Variants in ACY1 observed in about 807,000 individuals in gnomAD.
ACY1 encodes the protein aminoacylase 1, also known as aminoacylase-1.
A neutral mutation model predicts 53.3 loss-of-function variants in ACY1; 38 were observed. The ratio of observed to expected loss-of-function variants is 0.71; its 90% CI spans 0.55 to 0.93. The LOEUF is 0.93. Among genes scored for constraint, ACY1 ranks in the 40% least tolerant of loss-of-function variants. The pLI, the probability that ACY1 is intolerant of heterozygous loss-of-function variation, is 0.00. For missense variants in ACY1, 484 were observed against 540.9 expected, an observed-to-expected ratio of 0.89 and a Z score of 1.04; for synonymous variants, 177 against 202.1, an observed-to-expected ratio of 0.88 and a Z score of 1.05.
intron 1 of ACY1, 128 bp downstream of exon 1, chr3:51,983,717 G>A: frequency 2.9e-6 from 1 of 344,628 alleles, no homozygotes; most frequent in Non-Finnish European, 5.4e-6. Context: ...TTTTAGGAGG[G>A]CGGGGGGAGT....
intron 4 of ACY1, 28 bp downstream of exon 4, chr3:51,985,493 G>A (rs769087426): frequency 1.2e-6 from 2 of 1,607,754 alleles, no homozygotes; most frequent in Non-Finnish European, 1.7e-6. Flanking sequence ...GAGGTGGGCA[G>A]TGCAGGCCTT....
Position 51,985,870 on chromosome 3 carries a change from C to G in ACY1, c.283C>G (p.Pro95Ala), listed in dbSNP as rs756100159. The change falls in exon 5 of 15, where the codon CCC becomes GCC. Residue 95 changes from proline (P) to alanine (A), a missense_variant. Pro to Ala is a conservative substitution (Grantham distance 27). Transcript: ENST00000636358. ...CCCCCAGGAACATTGGAGTCACGAC[C>G]CCTTTGAGGCCTTCAAGGATTCTGA... ...PVFKEHWSHD[P>A]FEAFKDSEGY... 4 of 1,613,678 alleles carry G rather than the reference C, an allele frequency of 2.5e-6. No individual in the cohort carries two copies. The highest frequency in any genetic ancestry group is 2.2e-5 in the East Asian group (1 of 44,876).
intron 8 of ACY1, 28 bp downstream of exon 8, chr3:51,986,689 A>G (rs768830579): frequency 1.2e-6 from 2 of 1,612,318 alleles, no homozygotes; most frequent in Non-Finnish European, 1.7e-6. Flanking sequence ...GGGAGGGCTC[A>G]CTCTACAGGC....
In ACY1 at chr3:51,987,387, T is replaced by C. The variant is rs1368769845; in HGVS notation, c.786T>C (p.Tyr262=). The change falls in exon 11 of 15, where the codon TAT becomes TAC. Residue 262 remains tyrosine (Y), a synonymous_variant. Coordinates refer to ENST00000636358, the MANE Select transcript of ACY1 (RefSeq NM_000666.3). ...NLTKLEGGVA[Y]NVIPATMSAS... Reference sequence around the variant, plus strand: ...CTAAGCTAGAGGGTGGCGTGGCCTATAACGTGATACCTGCCACCATGAGCG... The same window carrying C: ...CTAAGCTAGAGGGTGGCGTGGCCTACAACGTGATACCTGCCACCATGAGCG... The C allele has an allele frequency of 6.2e-7, 1 of 1,614,138 alleles. No homozygotes were observed. Among genetic ancestry groups the C allele is most frequent in the South Asian group, 1.1e-5 (1 of 91,084 alleles).
At chr3:51,987,750 T>A in intron 12 of ACY1, 126 bp downstream of exon 12, 1 of 1,063,318 alleles carries the variant, frequency 9.4e-7, no homozygotes. Context: ...ACAGACACAT[T>A]TTATTCCAAC....
Position 51,985,341 on chromosome 3 carries a change from A to G in ACY1, c.160-20A>G. ...CTTCCTCACCCTGCTCAGACCACCT[A>G]CCCTCCTGACCATCTCCAGGTGGCA... On this transcript the variant is annotated intron_variant, in intron 3 of 14. Coordinates refer to ENST00000636358, the MANE Select transcript of ACY1 (RefSeq NM_000666.3). 2 of 1,613,892 alleles carry G rather than the reference A, an allele frequency of 1.2e-6. No homozygotes were observed. The highest frequency in any genetic ancestry group is 1.7e-6 in the Non-Finnish European group (2 of 1,179,914).
Position 51,988,837 on chromosome 3 carries a change from T to C in ACY1, c.1062+11T>C. Reference sequence around the variant, plus strand: ...CGCTATATCCGCGCGGTGAGCCACTTGCATATAGTGCCTGGGCAGTGGACT... The same window carrying C: ...CGCTATATCCGCGCGGTGAGCCACTCGCATATAGTGCCTGGGCAGTGGACT... On this transcript the variant is annotated intron_variant, in intron 14 of 14. Coordinates refer to ENST00000636358, the MANE Select transcript of ACY1 (RefSeq NM_000666.3). 1 of 1,614,194 alleles carries C rather than the reference T, an allele frequency of 6.2e-7. No individual in the cohort carries two copies. Among genetic ancestry groups the C allele is most frequent in the Non-Finnish European group, 8.5e-7 (1 of 1,180,022 alleles).
At chr3:51,985,578 C>T in intron 4 of ACY1, 113 bp downstream of exon 4, 1 of 1,009,752 alleles carries the variant, frequency 9.9e-7, no homozygotes, top group Non-Finnish European at 1.5e-6. Context: ...CTGACACTAA[C>T]TCTCAACATC....
chr3:51,986,767 C>A, intron 8 of ACY1, 106 bp downstream of exon 8: 1 of 1,470,952 alleles, frequency 6.8e-7, no homozygotes, highest in Non-Finnish European at 9.4e-7. Context: ...CCTGAGAAGG[C>A]CTTGAACCCA....
chr3:51,984,208 A>G (rs767065796), intron 2 of ACY1, 50 bp downstream of exon 2: 5 of 1,566,456 alleles, frequency 3.2e-6, no homozygotes, highest in Non-Finnish European at 4.4e-6. Context: ...AGGGACGGGG[A>G]CTGTGCTCTA....
chr3:51,988,653 C>T, intron 13 of ACY1, 50 bp downstream of exon 13: 1 of 1,596,958 alleles, frequency 6.3e-7, no homozygotes, highest in Non-Finnish European at 8.6e-7. Context: ...TACTCCTCTC[C>T]TTCCTGCTGC....
intron 8 of ACY1, 125 bp downstream of exon 8, chr3:51,986,786 A>G (rs2106836459): frequency 7.4e-7 from 1 of 1,353,736 alleles, no homozygotes; most frequent in Non-Finnish European, 1.0e-6. Context: ...CAGGGCCTCT[A>G]CCTCCCAGCT....
chr3:51,984,827 A>C, intron 2 of ACY1: 1 of 285,054 alleles, frequency 3.5e-6, no homozygotes, highest in Non-Finnish European at 6.8e-6. Context: ...AAAAAAAAAA[A>C]AAAAAAGGAA....
At position 51,985,205 on chromosome 3, in the gene ACY1, A is replaced by G. The variant is rs1327791758; in HGVS notation, c.95-2A>G. ...CAGCCCCAAGACACTCTGTGCCTCC[A>G]GGAGCTGCTGTGGCTTTCTTTGAGG... On this transcript the variant is annotated splice_acceptor_variant, in intron 2 of 14. Transcript: ENST00000636358. LOFTEE classifies it high-confidence loss of function. 12 of 1,602,404 alleles carry G rather than the reference A, an allele frequency of 7.5e-6. No homozygotes were observed. In the South Asian group the frequency reaches 1.3e-4, roughly 18 times the overall value.
At chr3:51,986,025 G>A in intron 5 of ACY1, 79 bp downstream of exon 5, 5 of 1,413,290 alleles carry the variant, frequency 3.5e-6, no homozygotes, top group Non-Finnish European at 2.9e-6. Context: ...GGGGGTGATT[G>A]GAGAAACTCA....
chr3:51,984,545 T>A (rs908316561), intron 2 of ACY1: 1 of 356,092 alleles, frequency 2.8e-6, no homozygotes, highest in Non-Finnish European at 5.4e-6. Context: ...GCCTGGGAGG[T>A]GGCTCCTGCC....
In ACY1 at chr3:51,986,995, G is replaced by C; in HGVS notation, c.591G>C (p.Arg197=). ...CCCCCTACACCTCCCCAGGGGTGCG[G>C]GTTACCAGCACTGGGAGGCCAGGCC... ...FYSERSPWWV[R]VTSTGRPGHA... Residue 197 remains arginine (R), a synonymous_variant, in exon 9 of 15, where the codon CGG becomes CGC. Coordinates refer to ENST00000636358, the MANE Select transcript of ACY1 (RefSeq NM_000666.3). 6.2e-7 allele frequency: 1 copy of C among 1,612,500 alleles called. No individual in the cohort carries two copies.
chr3:51,986,790 C>G, intron 8 of ACY1, 129 bp downstream of exon 8: 1 of 1,340,858 alleles, frequency 7.5e-7, no homozygotes, highest in Non-Finnish European at 1.1e-6. Context: ...GCCTCTACCT[C>G]CCAGCTCTTT....
rs6804746 is a variant in ACY1, at chr3:51,989,025, C to T, written c.1177C>T (p.Arg393Cys). 4.2e-4 allele frequency: 682 copies of T among 1,614,078 alleles called. 3 individuals are homozygous for T. The African/African-American group carries it at 5.5e-3, about 13-fold the overall frequency. ...CCTCCGTGGGGTGGACATATATACA[C>T]GCCTGCTGCCTGCCCTTGCCAGTGT... ...VFLRGVDIYTRLLPALASVPA... is the reference protein window; with the variant it reads ...VFLRGVDIYTCLLPALASVPA... The change falls in exon 15 of 15, where the codon CGC becomes TGC. Residue 393 changes from arginine (R) to cysteine (C), a missense_variant. Transcript: ENST00000636358.
Sources: allele counts gnomAD v4.1 joint callset, GRCh38; gene constraint gnomAD v4.1.1; transcripts MANE v1.5; gene names NCBI Gene and HGNC (gene_info 2026-07-23, HGNC 2026-07-21).